Variants in TET2 observed in about 807,000 individuals in gnomAD.
TET2 encodes methylcytosine dioxygenase TET2.
In TET2, 299 loss-of-function variants were observed where a neutral mutation model predicts 142.9. The observed-to-expected ratio is 2.09, with a 90% CI of 1.90 to 2.30. TET2 has a LOEUF of 2.30. Among genes scored for constraint, TET2 ranks in the 30% most tolerant of loss-of-function variants. The probability of loss-of-function intolerance (pLI) is 0.00; values close to 1 mark genes in which losing one functional copy is unlikely to be tolerated. For synonymous variants in TET2, 819 were observed against 849.0 expected, an observed-to-expected ratio of 0.96 and a Z score of 0.61; for missense variants, 2,418 against 2,378.0, an observed-to-expected ratio of 1.02 and a Z score of -0.35.
At position 105,276,845 on chromosome 4, in the gene TET2, C is replaced by CCT. The variant is rs1560575234; in HGVS notation, c.*327_*328insTC. 2 of 213,034 alleles carry CCT rather than the reference C, an allele frequency of 9.4e-6. No individual in the cohort carries two copies. The highest frequency in any genetic ancestry group is 1.9e-5 in the Non-Finnish European group (2 of 107,742). 13.2% of individuals were successfully genotyped at this position (213,034 alleles called of 1,614,324 possible). A position where few individuals can be genotyped will look rare whatever the true frequency, so the allele number is the denominator to read the frequency against. On this transcript the variant is annotated 3_prime_UTR_variant, in exon 11 of 11. Coordinates refer to ENST00000380013, the MANE Select transcript of TET2 (RefSeq NM_001127208.3). ...GATGATATGTAAATGTGATCCCCCC[C>CCT]CCCCGCTTACAACTCTACACATCTG...
intron 6 of TET2, among the ~76,000 whole-genome samples, chr4:105,257,642 G>A (rs191719674): frequency 2.6e-5 from 4 of 152,192 alleles, no homozygotes; most frequent in African/African-American, 9.6e-5. Flanking sequence ...GGCTTTCTGA[G>A]GTCTTTTGTG....
chr4:105,262,202 A>G (rs1235456157), intron 8 of TET2, among the ~76,000 whole-genome samples: 7 of 152,162 alleles, frequency 4.6e-5, no homozygotes, highest in South Asian at 2.1e-4. Flanking sequence ...CTGCAAGTCT[A>G]TAAGTATAAA....
intron 2 of TET2, among the ~76,000 whole-genome samples, chr4:105,202,756 T>C (rs1490804208): frequency 6.6e-6 from 1 of 152,192 alleles, no homozygotes; most frequent in Non-Finnish European, 1.5e-5. Flanking sequence ...CCTTTTATTA[T>C]TTATAATTTA....
In TET2 at chr4:105,184,102, C is replaced by T. The variant is rs185083523; in HGVS notation, c.-192-6258C>T. Among the ~76,000 whole-genome samples the T allele has an allele frequency of 2.8e-3, 427 of 152,126 alleles. 7 individuals carry two copies. The highest frequency in any genetic ancestry group is 0.026 in the Admixed American group (402 of 15,284). On this transcript the variant is annotated intron_variant, in intron 1 of 10. Transcript: ENST00000380013. ...CAAGTATTAGCCAGTGTCAGAATGT[C>T]GTGAAAAGTTTGTGTTTCAGATGCA...
Position 105,236,815 on chromosome 4 carries a change from A to T in TET2, c.2873A>T (p.Gln958Leu), listed in dbSNP as rs1394175048. The T allele has an allele frequency of 6.2e-7, 1 of 1,614,188 alleles. No homozygotes were observed. ...GCTGCTCTAAGGTGGCATCTCTTAC[A>T]GAAGCAAGAACAGCAGCAAACACAG... is the stretch of plus-strand genomic sequence containing the variant. ...KHAALRWHLL[Q>L]KQEQQQTQQP... is the part of the protein sequence containing the mutation. The change falls in exon 3 of 11, where the codon CAG (glutamine) becomes CTG (leucine). Residue 958 changes from glutamine to leucine, a missense_variant. Transcript: ENST00000380013.
intron 2 of TET2, among the ~76,000 whole-genome samples, chr4:105,219,486 T>C (rs1727688177): frequency 6.6e-6 from 1 of 152,142 alleles, no homozygotes. Flanking sequence ...CCAAAATGCT[T>C]GTGTTACAAG....
chr4:105,168,604 T>C (rs962442691), intron 1 of TET2, among the ~76,000 whole-genome samples: 1 of 152,142 alleles, frequency 6.6e-6, no homozygotes, highest in Non-Finnish European at 1.5e-5. Context: ...TTTATTCCCA[T>C]AGGTTATTGG....
chr4:105,173,272 C>A (rs1031878620), intron 1 of TET2, among the ~76,000 whole-genome samples: 21 of 151,180 alleles, frequency 1.4e-4, no homozygotes, highest in African/African-American at 5.1e-4. Context: ...GTGATCCCGG[C>A]ACTTTGGGAG....
At chr4:105,259,582 T>C (rs1175795797) in intron 6 of TET2, 37 bp from the exon 7 acceptor site, 3 of 1,546,042 alleles carry the variant, frequency 1.9e-6, no homozygotes, top group Non-Finnish European at 2.6e-6. Flanking sequence ...TATATAATGC[T>C]ATCCATAGCA....
chr4:105,241,641 G>A, intron 4 of TET2: 1 of 1,283,136 alleles, frequency 7.8e-7, no homozygotes. Context: ...GCTGGCACAG[G>A]CTGCCCACTT....
chr4:105,184,260 A>G (rs534065072), intron 1 of TET2, among the ~76,000 whole-genome samples: 1 of 152,314 alleles, frequency 6.6e-6, no homozygotes, highest in Admixed American at 6.5e-5. Context: ...TTCGGAAACT[A>G]TATAAATTGA....
In TET2 at chr4:105,236,746, G is replaced by C; in HGVS notation, c.2804G>C (p.Gly935Ala). 1 of 1,614,074 alleles carries C rather than the reference G, an allele frequency of 6.2e-7. No homozygotes were observed. The highest frequency in any genetic ancestry group is 1.1e-5 in the South Asian group (1 of 91,074). The change falls in exon 3 of 11, where the codon GGA becomes GCA. Residue 935 changes from glycine to alanine, a missense_variant. Transcript: ENST00000380013. ...GTTTTTCCTGTGCCTGACCAGGGAG[G>C]AAGTCACACTCAGACCCCTCCCCAG... ...ANVFPVPDQGGSHTQTPPQKD... is the reference protein window; with the variant it reads ...ANVFPVPDQGASHTQTPPQKD...
chr4:105,234,138 A>G lies in TET2; in HGVS notation c.196A>G (p.Met66Val). The G allele has an allele frequency of 1.9e-6, 3 of 1,614,202 alleles. No homozygotes were observed. Among genetic ancestry groups the G allele is most frequent in the Non-Finnish European group, 2.5e-6 (3 of 1,180,014 alleles). The change falls in exon 3 of 11, where the codon ATG (methionine) becomes GTG (valine). Residue 66 changes from methionine (M) to valine (V), a missense_variant. Physicochemically the swap from Met to Val is conservative, Grantham distance 21. Transcript: ENST00000380013. ...SFKSYYGIPC[M>V]KGSQNSRVSP... ...CAAAAGTTATTATGGAATACCCTGT[A>G]TGAAGGGAAGCCAGAATAGTCGTGT...
intron 2 of TET2, among the ~76,000 whole-genome samples, chr4:105,217,173 A>G (rs769238184): frequency 7.2e-5 from 11 of 152,012 alleles, no homozygotes; most frequent in Non-Finnish European, 1.6e-4. Flanking sequence ...CAAAGGCATA[A>G]CTTGGATGGT....
chr4:105,151,803 G>A (rs1723311893), intron 1 of TET2, among the ~76,000 whole-genome samples: 1 of 152,200 alleles, frequency 6.6e-6, no homozygotes, highest in Non-Finnish European at 1.5e-5. Context: ...GGCCGGTTGT[G>A]GTGGCTCATG....
chr4:105,269,869 G>T, intron 9 of TET2, 122 bp downstream of exon 9: 1 of 1,154,136 alleles, frequency 8.7e-7, no homozygotes, highest in South Asian at 1.5e-5. Flanking sequence ...AGTTCCACAT[G>T]GCTGTGGAGG....
chr4:105,249,340 A>G (rs1279864235), intron 6 of TET2, among the ~76,000 whole-genome samples: 1 of 151,980 alleles, frequency 6.6e-6, no homozygotes, highest in Non-Finnish European at 1.5e-5. Context: ...TTCTTTTTCC[A>G]TTTATTAGTT....
At chr4:105,248,712 A>G (rs1729706803) in intron 6 of TET2, among the ~76,000 whole-genome samples, 1 of 152,212 alleles carries the variant, frequency 6.6e-6, no homozygotes, top group African/African-American at 2.4e-5. Flanking sequence ...TTGTTTCAGT[A>G]CATTCACAAA....
intron 8 of TET2, among the ~76,000 whole-genome samples, chr4:105,264,710 T>C (rs1468701895): frequency 6.6e-6 from 1 of 152,208 alleles, no homozygotes; most frequent in East Asian, 1.9e-4. Flanking sequence ...TAGGTACTAT[T>C]GGTAATATTC....
Sources: allele counts gnomAD v4.1 joint callset (sites outside exome capture counted in the v4.1 genomes callset), GRCh38; gene constraint gnomAD v4.1.1; transcripts MANE v1.5; gene names NCBI Gene and HGNC (gene_info 2026-07-23, HGNC 2026-07-21).